Variants in SIN3A observed in about 807,000 individuals in gnomAD.
SIN3A encodes the protein SIN3 transcription regulator family member A, also known as paired amphipathic helix protein Sin3a.
In SIN3A, 14 loss-of-function variants were observed where a neutral mutation model predicts 146.1. The ratio of observed to expected loss-of-function variants is 0.10; its 90% CI spans 0.06 to 0.15. The LOEUF (loss-of-function observed/expected upper bound fraction) is 0.15, where lower values mean the gene tolerates loss of function less well. Among genes scored for constraint, SIN3A ranks in the 10% least tolerant of loss-of-function variants. SIN3A has a pLI of 1.00. For missense variants in SIN3A, 1,028 were observed against 1,576.0 expected, an observed-to-expected ratio of 0.65 and a Z score of 5.89; for synonymous variants, 572 against 572.0, an observed-to-expected ratio of 1.00 and a Z score of 0.00.
At chr15:75,429,563 A>G (rs1283291774) in intron 2 of SIN3A, among the ~76,000 whole-genome samples, 2 of 152,254 alleles carry the variant, frequency 1.3e-5, no homozygotes, top group Non-Finnish European at 2.9e-5. Flanking sequence ...TTTTAAAAAT[A>G]AATAGCAAAA....
intron 1 of SIN3A, 26 bp from the exon 2 acceptor site, chr15:75,430,434 G>T (rs1017589730): frequency 1.1e-5 from 17 of 1,521,076 alleles, no homozygotes; most frequent in Non-Finnish European, 1.4e-5. Context: ...GCAATAGCAT[G>T]CAAGTCAATT....
intron 2 of SIN3A, among the ~76,000 whole-genome samples, chr15:75,426,424 C>G (rs1324254470): frequency 1.3e-5 from 2 of 152,110 alleles, no homozygotes; most frequent in Non-Finnish European, 2.9e-5. Flanking sequence ...CTAACAAAAC[C>G]ATCTGACACA....
intron 1 of SIN3A, among the ~76,000 whole-genome samples, chr15:75,450,657 C>G (rs991638545): frequency 2.0e-5 from 3 of 152,244 alleles, no homozygotes; most frequent in African/African-American, 2.4e-5. Flanking sequence ...GAGAAAGCAG[C>G]TCCGGCACAG....
chr15:75,422,245 T>C, intron 3 of SIN3A: 1 of 300,732 alleles, frequency 3.3e-6, no homozygotes, highest in Non-Finnish European at 6.1e-6. Flanking sequence ...AAAAAATTTT[T>C]AAGAATTTAA....
intron 20 of SIN3A, among the ~76,000 whole-genome samples, chr15:75,372,950 C>T (rs940083140): frequency 6.6e-6 from 1 of 152,006 alleles, no homozygotes; most frequent in Non-Finnish European, 1.5e-5. Flanking sequence ...CCATTGATCA[C>T]TTCTATCAGC....
intron 8 of SIN3A, among the ~76,000 whole-genome samples, chr15:75,407,920 A>AG (rs1453643738): frequency 2.0e-5 from 3 of 147,784 alleles, no homozygotes; most frequent in African/African-American, 7.4e-5. Context: ...AAAAAAAAAA[A>AG]AGGCACGCCA....
chr15:75,441,976 T>C (rs7175139), intron 1 of SIN3A, among the ~76,000 whole-genome samples: 88,114 of 151,098 alleles, frequency 0.58, 26,496 homozygotes, highest in African/African-American at 0.74. Flanking sequence ...AAAAATTAGC[T>C]GGGTGCAGTG....
intron 16 of SIN3A, among the ~76,000 whole-genome samples, chr15:75,389,255 G>A (rs952168741): frequency 1.3e-5 from 2 of 151,216 alleles, no homozygotes; most frequent in Non-Finnish European, 2.9e-5. Flanking sequence ...GAGACCAGAA[G>A]TTCAAGACCA....
At chr15:75,453,614 C>CA (rs2074442969), upstream of SIN3A, 2 of 152,336 alleles carry the variant, frequency 1.3e-5, no homozygotes, top group Admixed American at 6.5e-5. Flanking sequence ...ACTAGGTTGT[C>CA]AGAGTCTCAG....
chr15:75,440,251 G>C (rs553502082), intron 1 of SIN3A, among the ~76,000 whole-genome samples: 42 of 148,412 alleles, frequency 2.8e-4, no homozygotes, highest in African/African-American at 9.4e-4. Flanking sequence ...TTTTTTTTGA[G>C]ACACAGTCTT....
chr15:75,432,336 G>A (rs754334196), intron 1 of SIN3A, among the ~76,000 whole-genome samples: 5 of 152,034 alleles, frequency 3.3e-5, no homozygotes, highest in Non-Finnish European at 5.9e-5. Context: ...GGGTTCTGTT[G>A]GTTTAAAACT....
chr15:75,437,947 G>T (rs1287623100), intron 1 of SIN3A, among the ~76,000 whole-genome samples: 1 of 152,126 alleles, frequency 6.6e-6, no homozygotes, highest in Non-Finnish European at 1.5e-5. Context: ...TTGAGGCCAG[G>T]AGGTGGAGGT....
Position 75,372,014 on chromosome 15 carries a change from G to A in SIN3A, c.3787C>T (p.Arg1263Cys), listed in dbSNP as rs374431322. The change falls in exon 21 of 21, where the codon CGT becomes TGT. Residue 1263 changes from arginine to cysteine, a missense_variant. This residue lies in a region of SIN3A where 488 missense variants were observed against 690.2 expected (regional missense o/e 0.71). Coordinates refer to ENST00000394947, the MANE Select transcript of SIN3A (RefSeq NM_001145358.2). Reference sequence around the variant, plus strand: ...TTGAATACTGTGCCGTATTTGACACGATACTTGTTAATGCTCACAAAATGC... The same window carrying A: ...TTGAATACTGTGCCGTATTTGACACAATACTTGTTAATGCTCACAAAATGC... ...TLHFVSINKY[R>C]VKYGTVFKAP is the part of the protein sequence containing the mutation. The A allele has an allele frequency of 3.0e-5, 48 of 1,614,098 alleles. No individual in the cohort carries two copies. The highest frequency in any genetic ancestry group is 3.8e-5 in the Non-Finnish European group (45 of 1,180,046).
chr15:75,432,372 C>T (rs1241789064), intron 1 of SIN3A, among the ~76,000 whole-genome samples: 1 of 152,044 alleles, frequency 6.6e-6, no homozygotes, highest in East Asian at 1.9e-4. Context: ...GGAGATTAAC[C>T]TCTGTAACCA....
chr15:75,399,477 G>A (rs562839414), intron 12 of SIN3A, among the ~76,000 whole-genome samples: 13 of 152,156 alleles, frequency 8.5e-5, no homozygotes, highest in Non-Finnish European at 1.2e-4. Context: ...GCAGTGAGCC[G>A]AGATTGCGCC....
intron 2 of SIN3A, among the ~76,000 whole-genome samples, chr15:75,427,168 T>C (rs1031357376): frequency 3.5e-5 from 5 of 144,534 alleles, no homozygotes; most frequent in African/African-American, 1.3e-4. Context: ...AAACCAGGAG[T>C]TTAAGACCAG....
chr15:75,430,941 A>G (rs1259291396), intron 1 of SIN3A, among the ~76,000 whole-genome samples: 1 of 152,000 alleles, frequency 6.6e-6, no homozygotes, highest in Non-Finnish European at 1.5e-5. Context: ...ACACCCGGCT[A>G]CTTTTTTTGC....
chr15:75,377,351 A>T (rs2072880691), intron 19 of SIN3A, among the ~76,000 whole-genome samples: 1 of 152,218 alleles, frequency 6.6e-6, no homozygotes, highest in Admixed American at 6.5e-5. Context: ...TGGGCCAGTC[A>T]CAGTGGCTCA....
rs544981967 is a variant in SIN3A, at chr15:75,444,213, G to T, written c.-34+7210C>A. 3.3e-5 allele frequency among the ~76,000 whole-genome samples: 5 copies of T among 152,118 alleles called. No individual in the cohort carries two copies. The South Asian group carries it at 1.0e-3, about 32-fold the overall frequency. On this transcript the variant is annotated intron_variant, in intron 1 of 20. Coordinates refer to ENST00000394947, the MANE Select transcript of SIN3A (RefSeq NM_001145358.2). Reference sequence around the variant, plus strand: ...GGCATGGTGACTCATGCCTGTAATCGCAGCACTTCGAGAGATAAGAAGTTT... The same window carrying T: ...GGCATGGTGACTCATGCCTGTAATCTCAGCACTTCGAGAGATAAGAAGTTT...
Sources: allele counts gnomAD v4.1 joint callset (sites outside exome capture counted in the v4.1 genomes callset), GRCh38; gene constraint gnomAD v4.1.1; regional missense constraint gnomAD v4.1.1; transcripts MANE v1.5; gene names NCBI Gene and HGNC (gene_info 2026-07-23, HGNC 2026-07-21).